The following ASAP1 variants were observed in gnomAD, a reference collection of about 807,000 sequenced individuals.
ASAP1 encodes arf-GAP with SH3 domain, ANK repeat and PH domain-containing protein 1.
Under a neutral mutation model 145.2 loss-of-function variants are expected in ASAP1, and 43 were observed. The observed-to-expected ratio is 0.30, with a 90% CI of 0.23 to 0.38. The LOEUF (loss-of-function observed/expected upper bound fraction) is 0.38, where lower values mean the gene tolerates loss of function less well. Among genes scored for constraint, ASAP1 ranks in the 10% least tolerant of loss-of-function variants. ASAP1 has a pLI of 1.00. For synonymous variants in ASAP1, 546 were observed against 515.5 expected (o/e 1.06, Z -0.80); for missense variants, 1,018 against 1,355.3 (o/e 0.75, Z 3.91).
intron 4 of ASAP1, among the ~76,000 whole-genome samples, chr8:130,215,483 C>T (rs1816840146): frequency 6.6e-6 from 1 of 151,876 alleles, no homozygotes; most frequent in South Asian, 2.1e-4. Context: ...GTGGCTCACG[C>T]CTATAATCCC....
chr8:130,149,058 G>A (rs2097640141), intron 13 of ASAP1, among the ~76,000 whole-genome samples: 1 of 145,514 alleles, frequency 6.9e-6, no homozygotes, highest in African/African-American at 2.6e-5. Flanking sequence ...ATGTTGCCCA[G>A]GCTGGTCTCG....
chr8:130,237,036 T>C, intron 3 of ASAP1, 42 bp from the exon 4 acceptor site: 1 of 1,430,248 alleles, frequency 7.0e-7, no homozygotes, highest in South Asian at 1.3e-5. Flanking sequence ...GAAGATTTGG[T>C]AAATTAAAAA....
chr8:130,071,003 GGA>G (rs2097444602), intron 27 of ASAP1, among the ~76,000 whole-genome samples: 2 of 10,274 alleles, frequency 1.9e-4, no homozygotes, highest in African/African-American at 1.0e-3. Context: ...GAGAGAGAGG[GGA>G]GGGGGGGAGA....
At chr8:130,087,988 C>CT (rs1215696530) in intron 25 of ASAP1, among the ~76,000 whole-genome samples, 1 of 152,114 alleles carries the variant, frequency 6.6e-6, no homozygotes, top group Non-Finnish European at 1.5e-5. Flanking sequence ...GGATGTGACT[C>CT]TTTGGGGGTC....
chr8:130,277,993 G>T (rs1231146794), intron 3 of ASAP1, among the ~76,000 whole-genome samples: 1 of 151,632 alleles, frequency 6.6e-6, no homozygotes, highest in South Asian at 2.1e-4. Flanking sequence ...GAAATCCAAA[G>T]TAGTATGGTT....
intron 1 of ASAP1, among the ~76,000 whole-genome samples, chr8:130,431,844 A>C (rs951717773): frequency 4.1e-5 from 6 of 145,916 alleles, no homozygotes; most frequent in African/African-American, 7.7e-5. Context: ...AGGAGGAAGA[A>C]GACGAGGAAA....
intron 11 of ASAP1, among the ~76,000 whole-genome samples, chr8:130,165,599 C>T (rs1161943762): frequency 1.3e-5 from 2 of 152,170 alleles, no homozygotes; most frequent in Admixed American, 1.3e-4. Flanking sequence ...GGCCTCAAAC[C>T]ACAGGTGCAG....
chr8:130,387,301 C>T (rs1828063601), intron 2 of ASAP1, among the ~76,000 whole-genome samples: 2 of 152,078 alleles, frequency 1.3e-5, no homozygotes, highest in Non-Finnish European at 2.9e-5. Flanking sequence ...TTGGGGAGGC[C>T]GAGGTGGGCA....
intron 5 of ASAP1, among the ~76,000 whole-genome samples, chr8:130,212,827 C>A (rs1389189553): frequency 6.6e-6 from 1 of 152,156 alleles, no homozygotes; most frequent in Non-Finnish European, 1.5e-5. Context: ...TGCAGCGTAG[C>A]AAACCGTAGA....
In ASAP1 at chr8:130,311,840, T is replaced by C. The variant is rs570022967; in HGVS notation, c.186+46177A>G. On this transcript the variant is annotated intron_variant, in intron 3 of 29. Coordinates refer to ENST00000518721, the MANE Select transcript of ASAP1 (RefSeq NM_018482.4). ...GCAAAGATTTTAGGCTAAATAATAA[T>C]AGTATGTCAAGCTAGATGGTTAAAA... Among the ~76,000 whole-genome samples, 113 of 150,250 alleles carry C rather than the reference T, an allele frequency of 7.5e-4. 1 individual carries two copies. In the South Asian group the frequency reaches 0.017, roughly 22 times the overall value.
At chr8:130,190,393 A>T (rs540789375) in intron 5 of ASAP1, among the ~76,000 whole-genome samples, 85 of 152,280 alleles carry the variant, frequency 5.6e-4, no homozygotes, top group Non-Finnish European at 7.8e-4. Context: ...TCCCAGCACC[A>T]TTTATTGAAG....
chr8:130,070,273 C>G (rs1037125693), intron 27 of ASAP1, among the ~76,000 whole-genome samples: 18 of 152,118 alleles, frequency 1.2e-4, no homozygotes, highest in South Asian at 2.1e-4. Flanking sequence ...TCCTGACCTC[C>G]TGATCTGCCC....
intron 2 of ASAP1, among the ~76,000 whole-genome samples, chr8:130,401,407 A>G (rs1828790695): frequency 6.6e-6 from 1 of 151,720 alleles, no homozygotes; most frequent in Non-Finnish European, 1.5e-5. Flanking sequence ...TACCACACCC[A>G]GCTAATTTTT....
intron 2 of ASAP1, among the ~76,000 whole-genome samples, chr8:130,399,814 CTTT>C (rs66587581): frequency 8.8e-5 from 11 of 124,520 alleles, no homozygotes; most frequent in Admixed American, 1.7e-4. Context: ...AAGTCAGTGT[CTTT>C]TTTTTTTTTT....
intron 1 of ASAP1, among the ~76,000 whole-genome samples, chr8:130,403,131 G>A (rs932129474): frequency 2.6e-5 from 4 of 151,880 alleles, no homozygotes; most frequent in Admixed American, 2.0e-4. Context: ...AAATATTACC[G>A]CATGGATTTC....
rs2097394455 is a variant in ASAP1 at position 130,052,291 on chromosome 8, A to G, written c.*2440T>C. Reference sequence around the variant, plus strand: ...ACTAGTGGCACTACAGGATTCCTATACAACATGTTGAAGTTCTAGGCAATA... The same window carrying G: ...ACTAGTGGCACTACAGGATTCCTATGCAACATGTTGAAGTTCTAGGCAATA... On this transcript the variant is annotated 3_prime_UTR_variant, in exon 30 of 30. Coordinates refer to ENST00000518721, the MANE Select transcript of ASAP1 (RefSeq NM_018482.4). 1 of 152,652 alleles carries G rather than the reference A, an allele frequency of 6.6e-6. No individual in the cohort carries two copies. The highest frequency in any genetic ancestry group is 2.4e-5 in the African/African-American group (1 of 41,468). The allele number at this position is 152,652 out of a possible 1,614,324, so 9.5% of individuals were successfully genotyped here.
intron 26 of ASAP1, among the ~76,000 whole-genome samples, 174 bp from the exon 27 acceptor site, chr8:130,076,580 G>A (rs1031462542): frequency 6.6e-6 from 1 of 151,934 alleles, no homozygotes; most frequent in African/African-American, 2.4e-5. Context: ...GGAGTGTAGT[G>A]GCGCGATCTC....
At chr8:130,265,059 G>A (rs1565151438) in intron 3 of ASAP1, among the ~76,000 whole-genome samples, 1 of 152,166 alleles carries the variant, frequency 6.6e-6, no homozygotes, top group Non-Finnish European at 1.5e-5. Flanking sequence ...ATTGTGAACT[G>A]AGCCAAGGAT....
At chr8:130,410,367 C>G (rs1359618164) in intron 1 of ASAP1, among the ~76,000 whole-genome samples, 1 of 152,098 alleles carries the variant, frequency 6.6e-6, no homozygotes, top group Non-Finnish European at 1.5e-5. Flanking sequence ...AAGTGAATGC[C>G]AGAGAAACAG....
Sources: allele counts gnomAD v4.1 joint callset (sites outside exome capture counted in the v4.1 genomes callset), GRCh38; gene constraint gnomAD v4.1.1; transcripts MANE v1.5; gene names NCBI Gene and HGNC (gene_info 2026-07-23, HGNC 2026-07-21).